Variants in SSX2IP observed in about 807,000 individuals in gnomAD.
SSX2IP encodes the protein SSX family member 2 interacting protein.
In SSX2IP, 55 loss-of-function variants were observed where a neutral mutation model predicts 84.9. That is an observed-to-expected ratio of 0.65 (90% CI 0.52 to 0.81). The LOEUF is 0.81. SSX2IP is among the 30% of genes least tolerant of loss of function. The pLI is 0.00. For missense variants in SSX2IP, 664 were observed against 705.2 expected (o/e 0.94, Z 0.66); for synonymous variants, 239 against 234.7 (o/e 1.02, Z -0.17).
chr1:84,676,462 A>G (rs1004664607), intron 1 of SSX2IP, among the ~76,000 whole-genome samples: 1 of 152,202 alleles, frequency 6.6e-6, no homozygotes, highest in Non-Finnish European at 1.5e-5. Flanking sequence ...TCTTCCCTAT[A>G]TGTCACTATG....
At chr1:84,684,432 A>G (rs1473451922) in intron 1 of SSX2IP, among the ~76,000 whole-genome samples, 1 of 152,274 alleles carries the variant, frequency 6.6e-6, no homozygotes, top group Non-Finnish European at 1.5e-5. Flanking sequence ...TCCAAGAATG[A>G]TGTAAAAGTG....
intron 9 of SSX2IP, 147 bp from the exon 10 acceptor site, chr1:84,656,631 CT>C: frequency 3.4e-6 from 2 of 581,122 alleles, no homozygotes; most frequent in Non-Finnish European, 5.2e-6. Flanking sequence ...CGTCCTTTGA[CT>C]TTTTAAAATT....
At chr1:84,674,880 A>C (rs532408829) in intron 1 of SSX2IP, among the ~76,000 whole-genome samples, 1 of 152,320 alleles carries the variant, frequency 6.6e-6, no homozygotes, top group East Asian at 1.9e-4. Flanking sequence ...GCGATATAAG[A>C]AAAGTTACCC....
chr1:84,655,912 A>T lies in SSX2IP; in HGVS notation c.1309T>A (p.Ser437Thr). ...TTCTTTTTCTGCTCTTTAAAAAGGG[A>T]CCATTCTTCTTTGAGACGTTCCTTT... ...EEKERLKEEWSLFKEQKKNFE... is the reference protein window; with the variant it reads ...EEKERLKEEWTLFKEQKKNFE... Residue 437 changes from serine to threonine, a missense_variant, in exon 11 of 14, where the codon TCC becomes ACC. By Grantham distance (58) the Ser-to-Thr change is moderately conservative. Transcript: ENST00000342203. 1.9e-6 allele frequency: 3 copies of T among 1,613,900 alleles called. No homozygotes were observed. The highest frequency in any genetic ancestry group is 1.7e-6 in the Non-Finnish European group (2 of 1,179,922).
At chr1:84,686,070 G>C (rs550878065) in intron 1 of SSX2IP, among the ~76,000 whole-genome samples, 1 of 152,132 alleles carries the variant, frequency 6.6e-6, no homozygotes, top group Non-Finnish European at 1.5e-5. Context: ...CTTAATGCTT[G>C]CAAAATAAGT....
intron 1 of SSX2IP, among the ~76,000 whole-genome samples, chr1:84,683,196 TTTG>T (rs1301553863): frequency 6.6e-6 from 1 of 151,982 alleles, no homozygotes; most frequent in African/African-American, 2.4e-5. Context: ...AACGTGCAGG[TTTG>T]CTGCACCTAT....
intron 11 of SSX2IP, among the ~76,000 whole-genome samples, chr1:84,654,178 A>G (rs1650737974): frequency 6.6e-6 from 1 of 152,206 alleles, no homozygotes; most frequent in African/African-American, 2.4e-5. Context: ...CCCTAAATTA[A>G]AGAAATACAG....
chr1:84,669,797 T>C lies in SSX2IP; in HGVS notation c.310A>G (p.Asn104Asp), dbSNP rs778683740. 1 of 1,613,644 alleles carries C rather than the reference T, an allele frequency of 6.2e-7. No homozygotes were observed. Among genetic ancestry groups the C allele is most frequent in the Non-Finnish European group, 8.5e-7 (1 of 1,179,736 alleles). ...TTCCGCTGAAGCACAAGCAGCTCAT[T>C]CATACAATTTAGTACAGCTACTATA... Reference protein sequence around the residue: ...LNIVAVLNCMNELLVLQRKNL... With the variant: ...LNIVAVLNCMDELLVLQRKNL... The change falls in exon 4 of 14, where the codon AAT (asparagine) becomes GAT (aspartate). Residue 104 changes from asparagine to aspartate, a missense_variant. Physicochemically the swap from Asn to Asp is conservative, Grantham distance 23 (BLOSUM62 1). Coordinates refer to ENST00000342203, the MANE Select transcript of SSX2IP (RefSeq NM_001166293.2).
intron 11 of SSX2IP, among the ~76,000 whole-genome samples, chr1:84,652,836 T>C (rs1396268620): frequency 1.3e-5 from 2 of 150,978 alleles, no homozygotes; most frequent in Non-Finnish European, 2.9e-5. Flanking sequence ...CCATCCTGGC[T>C]AACATGGTGA....
chr1:84,671,614 T>C (rs1462511068), intron 1 of SSX2IP, among the ~76,000 whole-genome samples: 1 of 152,202 alleles, frequency 6.6e-6, no homozygotes, highest in Non-Finnish European at 1.5e-5. Flanking sequence ...AATATTTCTA[T>C]ATTATATCCT....
In SSX2IP at chr1:84,646,498, T is replaced by C. The variant is rs1051100228; in HGVS notation, c.*935A>G. On this transcript the variant is annotated 3_prime_UTR_variant, in exon 14 of 14. Coordinates refer to ENST00000342203, the MANE Select transcript of SSX2IP (RefSeq NM_001166293.2). ...CCTAGTTAGTATACAGATATTACTA[T>C]ACTGGTACCCATCTTGTAAGGAAAA... The C allele has an allele frequency of 1.3e-5, 2 of 152,628 alleles. No individual in the cohort carries two copies. The highest frequency in any genetic ancestry group is 2.9e-5 in the Non-Finnish European group (2 of 68,034). The allele number at this position is 152,628 out of a possible 1,614,324, so 9.5% of individuals were successfully genotyped here. A position where few individuals can be genotyped will look rare whatever the true frequency, so the allele number is the denominator to read the frequency against.
intron 1 of SSX2IP, among the ~76,000 whole-genome samples, chr1:84,672,855 G>A (rs1410349549): frequency 2.6e-5 from 4 of 152,004 alleles, no homozygotes; most frequent in African/African-American, 4.8e-5. Flanking sequence ...CGAAACCCCC[G>A]TCTCTACTGA....
rs1652480197 is a variant in SSX2IP, at chr1:84,664,410, T to C, written c.673+7A>G. 2 of 1,570,934 alleles carry C rather than the reference T, an allele frequency of 1.3e-6. No homozygotes were observed. The highest frequency in any genetic ancestry group is 2.3e-5 in the East Asian group (1 of 42,908). ...ATTCTCTTAGCTGATCTTTGCCAGC[T>C]GTTTACCTATTTTCTTATCTTTCTT... is the stretch of plus-strand genomic sequence containing the variant. On this transcript the variant is annotated splice_region_variant and intron_variant, in intron 6 of 13. Coordinates refer to ENST00000342203, the MANE Select transcript of SSX2IP (RefSeq NM_001166293.2).
chr1:84,671,968 T>G (rs925183093), intron 1 of SSX2IP, among the ~76,000 whole-genome samples: 1 of 152,182 alleles, frequency 6.6e-6, no homozygotes, highest in African/African-American at 2.4e-5. Flanking sequence ...TATGTTTCCA[T>G]AGAAGAATGA....
At position 84,662,358 on chromosome 1, in the gene SSX2IP, T is replaced by C; in HGVS notation, c.767A>G (p.Tyr256Cys). 6.2e-7 allele frequency: 1 copy of C among 1,607,614 alleles called. No homozygotes were observed. The highest frequency in any genetic ancestry group is 8.5e-7 in the Non-Finnish European group (1 of 1,177,810). ...TTCATAATCATTCAAGAGAATTTTA[T>C]ACATTTCATCTTCATTCCTGAGAAA... The part of the protein sequence containing the change: ...KTEARNEDEM[Y>C]KILLNDYEYR... Residue 256 changes from tyrosine to cysteine, a missense_variant, in exon 8 of 14, where the codon TAT becomes TGT. Tyr to Cys is a radical substitution (Grantham distance 194, BLOSUM62 -2). Coordinates refer to ENST00000342203, the MANE Select transcript of SSX2IP (RefSeq NM_001166293.2).
At chr1:84,661,826 A>G (rs1652023461) in intron 8 of SSX2IP, among the ~76,000 whole-genome samples, 1 of 152,186 alleles carries the variant, frequency 6.6e-6, no homozygotes, top group Non-Finnish European at 1.5e-5. Context: ...CTGGGCTACT[A>G]AATATTATGC....
chr1:84,666,005 G>T (rs1652731749), intron 5 of SSX2IP, 117 bp downstream of exon 5: 1 of 751,234 alleles, frequency 1.3e-6, no homozygotes, highest in Non-Finnish European at 2.2e-6. Context: ...ATCAATTTGG[G>T]GAAAGATGAA....
At chr1:84,681,091 T>C (rs568196678) in intron 1 of SSX2IP, among the ~76,000 whole-genome samples, 1 of 152,300 alleles carries the variant, frequency 6.6e-6, no homozygotes, top group East Asian at 1.9e-4. Flanking sequence ...GATAGTCAAT[T>C]ATGTAAGGGA....
intron 9 of SSX2IP, among the ~76,000 whole-genome samples, chr1:84,656,909 T>C (rs1557478707): frequency 6.6e-6 from 1 of 152,166 alleles, no homozygotes; most frequent in Non-Finnish European, 1.5e-5. Context: ...CAAAGATCAA[T>C]GAAGTGTCAC....
Sources: allele counts gnomAD v4.1 joint callset (sites outside exome capture counted in the v4.1 genomes callset), GRCh38; gene constraint gnomAD v4.1.1; transcripts MANE v1.5; gene names NCBI Gene and HGNC (gene_info 2026-07-23, HGNC 2026-07-21).